MTERF2: variants seen among roughly 807,000 people sequenced by gnomAD.
MTERF2 encodes transcription termination factor 2, mitochondrial.
A neutral mutation model predicts 29.2 loss-of-function variants in MTERF2; 23 were observed. The ratio of observed to expected loss-of-function variants is 0.79; its 90% CI spans 0.57 to 1.12. The LOEUF (loss-of-function observed/expected upper bound fraction) is 1.12. MTERF2 is among the 50% of genes most tolerant of loss of function. MTERF2 has a pLI of 0.00. For missense variants in MTERF2, 440 were observed against 429.4 expected (o/e 1.02, Z -0.22); for synonymous variants, 157 against 159.5 (o/e 0.98, Z 0.12).
chr12:106,982,460 AACTG>A (rs956635410), intron 2 of MTERF2, among the ~76,000 whole-genome samples: 1 of 152,218 alleles, frequency 6.6e-6, no homozygotes, highest in Admixed American at 6.5e-5. Context: ...GAGCAAACAC[AACTG>A]ACTATGGAAG....
Position 106,978,288 on chromosome 12 carries a change from T to A in MTERF2, c.427A>T (p.Ile143Phe), listed in dbSNP as rs568454224. The A allele has an allele frequency of 1.2e-6, 2 of 1,614,112 alleles. No individual in the cohort carries two copies. The highest frequency in any genetic ancestry group is 2.7e-5 in the African/African-American group (2 of 75,040). Residue 143 changes from isoleucine to phenylalanine, a missense_variant, in exon 3 of 3, where the codon ATT becomes TTT. Ile to Phe is a conservative substitution (Grantham distance 21). Coordinates refer to ENST00000240050, the MANE Select transcript of MTERF2 (RefSeq NM_001033050.3). ...AGCTTCTGGTTCTCTTGGTCTTTAA[T>A]AGTAAAGAAAGATTCTGGAAACTGC... ...IEQFPESFFT[I>F]KDQENQKLNV...
At chr12:106,980,577 A>G (rs1363689400) in intron 2 of MTERF2, 1 of 152,164 alleles carries the variant, frequency 6.6e-6, no homozygotes, top group Admixed American at 6.5e-5. Context: ...CTTCACCACT[A>G]TTTCTTTTGT....
Position 106,978,021 on chromosome 12 carries a change from C to T in MTERF2, c.694G>A (p.Glu232Lys), listed in dbSNP as rs1201710577. The change falls in exon 3 of 3, where the codon GAA (glutamate) becomes AAA (lysine). Residue 232 changes from glutamate (E) to lysine (K), a missense_variant. By Grantham distance (56) the Glu-to-Lys change is moderately conservative. Coordinates refer to ENST00000240050, the MANE Select transcript of MTERF2 (RefSeq NM_001033050.3). Reference sequence around the variant, plus strand: ...GTGAAACCTTGCTCCTGGAGAAATTCTAGTGTTTCCTTTATAGCTGTGGGA... The same window carrying T: ...GTGAAACCTTGCTCCTGGAGAAATTTTAGTGTTTCCTTTATAGCTGTGGGA... ...NSPTAIKETL[E>K]FLQEQGFTSF... 1 of 1,614,138 alleles carries T rather than the reference C, an allele frequency of 6.2e-7. No individual in the cohort carries two copies. The highest frequency in any genetic ancestry group is 8.5e-7 in the Non-Finnish European group (1 of 1,180,004).
At position 106,977,633 on chromosome 12, in the gene MTERF2, G is replaced by A; in HGVS notation, c.1082C>T (p.Ala361Val). ...TTTGGCCTGAATTTTGCCAAAATTAGCTTCAAACTCTTTTTTTGATCCATT... is the reference window on the plus strand; with the variant it reads ...TTTGGCCTGAATTTTGCCAAAATTAACTTCAAACTCTTTTTTTGATCCATT... ...NLNGSKKEFE[A>V]NFGKIQAKKV... Residue 361 changes from alanine (A) to valine (V), a missense_variant, in exon 3 of 3, where the codon GCT becomes GTT. Ala to Val is a moderately conservative substitution (Grantham distance 64). Coordinates refer to ENST00000240050, the MANE Select transcript of MTERF2 (RefSeq NM_001033050.3). 1.9e-6 allele frequency: 3 copies of A among 1,613,798 alleles called. No individual in the cohort carries two copies. The highest frequency in any genetic ancestry group is 2.5e-6 in the Non-Finnish European group (3 of 1,179,906).
rs34238336 is a variant in MTERF2, at chr12:106,978,675, G to C, written c.40C>G (p.Leu14Val). 7,872 of 1,614,112 alleles carry C rather than the reference G, an allele frequency of 4.9e-3. 138 individuals are homozygous for C. In the African/African-American group the frequency reaches 0.052, roughly 11 times the overall value. Residue 14 changes from leucine (L) to valine (V), a missense_variant, in exon 3 of 3, where the codon CTG (leucine) becomes GTG (valine). Transcript: ENST00000240050. ...KLLLRSQSCR[L>V]CSFRKMRSPP... ...GATCGCATCTTTCTGAAAGAACACA[G>C]CCTGCAGGACTGGGATCTCAGCAGC...
chr12:106,982,133 G>A (rs533164896), intron 2 of MTERF2, among the ~76,000 whole-genome samples: 3 of 152,138 alleles, frequency 2.0e-5, no homozygotes, highest in South Asian at 2.1e-4. Flanking sequence ...TTAATGATCC[G>A]TCATTCTGTA....
At chr12:106,984,834 TGCTTTTGTAA>T (rs1348332423) in intron 2 of MTERF2, among the ~76,000 whole-genome samples, 1 of 152,198 alleles carries the variant, frequency 6.6e-6, no homozygotes, top group African/African-American at 2.4e-5. Context: ...TTAAACCTCT[TGCTTTTGTAA>T]ATTGCCCAGT....
chr12:106,977,640 ACT>A lies in MTERF2; in HGVS notation c.1073_1074del (p.Glu358ValfsTer2), dbSNP rs774235907. Reference sequence around the variant, plus strand: ...TGAATTTTGCCAAAATTAGCTTCAAACTCTTTTTTTGATCCATTTAGATTTGC... The same window carrying A: ...TGAATTTTGCCAAAATTAGCTTCAAACTTTTTTTGATCCATTTAGATTTGC... ...HLANLNGSKK[E>X]FEANFGKIQA... On this transcript the variant is annotated frameshift_variant, in exon 3 of 3. Transcript: ENST00000240050. LOFTEE classifies it high-confidence loss of function. 8 of 1,613,592 alleles carry A rather than the reference ACT, an allele frequency of 5.0e-6. No individual in the cohort carries two copies. The highest frequency in any genetic ancestry group is 2.2e-5 in the East Asian group (1 of 44,822).
At chr12:106,984,831 T>G (rs2136802605) in intron 2 of MTERF2, among the ~76,000 whole-genome samples, 1 of 152,298 alleles carries the variant, frequency 6.6e-6, no homozygotes, top group Non-Finnish European at 1.5e-5. Context: ...CCATTAAACC[T>G]CTTGCTTTTG....
At chr12:106,984,895 A>C (rs1952092945) in intron 2 of MTERF2, among the ~76,000 whole-genome samples, 1 of 152,156 alleles carries the variant, frequency 6.6e-6, no homozygotes, top group South Asian at 2.1e-4. Flanking sequence ...AAGGACTAAT[A>C]CAAGCCATGA....
chr12:106,977,521 C>T lies in MTERF2; in HGVS notation c.*36G>A. On this transcript the variant is annotated 3_prime_UTR_variant, in exon 3 of 3. Coordinates refer to ENST00000240050, the MANE Select transcript of MTERF2 (RefSeq NM_001033050.3). The stretch of plus-strand genomic sequence containing the variant: ...TTTGTCTTTGCTAGTTAGTTTCACC[C>T]TGCACTGCTAGAAAGAAGCAACAAC... 6.4e-7 allele frequency: 1 copy of T among 1,562,076 alleles called. No individual in the cohort carries two copies.
Position 106,977,379 on chromosome 12 carries a change from T to G in MTERF2, c.*178A>C, listed in dbSNP as rs913384314. 1.1e-5 allele frequency: 5 copies of G among 465,292 alleles called. No homozygotes were observed. The African/African-American group carries it at 1.5e-4, about 14-fold the overall frequency. 28.8% of individuals were successfully genotyped at this position (465,292 alleles called of 1,614,324 possible). A position where few individuals can be genotyped will look rare whatever the true frequency, so the allele number is the denominator to read the frequency against. On this transcript the variant is annotated 3_prime_UTR_variant, in exon 3 of 3. Coordinates refer to ENST00000240050, the MANE Select transcript of MTERF2 (RefSeq NM_001033050.3). ...ACCAACCTTATTAAAATAAATATGA[T>G]TTATATTTTATAATATGGCACATGA...
At chr12:106,982,185 T>C (rs1952060208) in intron 2 of MTERF2, among the ~76,000 whole-genome samples, 1 of 152,198 alleles carries the variant, frequency 6.6e-6, no homozygotes. Context: ...ATCTAGTGCT[T>C]AGCCTGGGGT....
rs1951994973 is a variant in MTERF2 at position 106,977,413 on chromosome 12, TTATC to T, written c.*140_*143del. The T allele has an allele frequency of 5.1e-6, 3 of 592,730 alleles. No individual in the cohort carries two copies. Among genetic ancestry groups the T allele is most frequent in the East Asian group, 5.9e-5 (2 of 33,932 alleles). 36.7% of individuals were successfully genotyped at this position (592,730 alleles called of 1,614,324 possible). ...TATAATATGGCACATGAGTCAGAAT[TTATC>T]TATTTAGAGATAACTTAAATACAAC... On this transcript the variant is annotated 3_prime_UTR_variant, in exon 3 of 3. Transcript: ENST00000240050.
In MTERF2 at chr12:106,978,359, C is replaced by T. The variant is rs1566231658; in HGVS notation, c.356G>A (p.Trp119Ter). Reference sequence around the variant, plus strand: ...TTCCTCATTTTTGCAGACCAACTGCCAGAGTTTTCTCTGGGTGTTAACAGC... The same window carrying T: ...TTCCTCATTTTTGCAGACCAACTGCTAGAGTTTTCTCTGGGTGTTAACAGC... ...PTAVNTQRKL[W>*]QLVCKNEEEL... Residue 119 changes from tryptophan to a stop codon, truncating the protein, a stop_gained, in exon 3 of 3, where the codon TGG (tryptophan) becomes TAG (stop). Coordinates refer to ENST00000240050, the MANE Select transcript of MTERF2 (RefSeq NM_001033050.3). LOFTEE classifies it high-confidence loss of function. 3.7e-6 allele frequency: 6 copies of T among 1,613,958 alleles called. No individual in the cohort carries two copies. The South Asian group carries it at 6.6e-5, about 18-fold the overall frequency.
Position 106,977,656 on chromosome 12 carries a change from A to G in MTERF2, c.1059T>C (p.Asn353=), listed in dbSNP as rs1180849420. 6.2e-7 allele frequency: 1 copy of G among 1,613,872 alleles called. No homozygotes were observed. Among genetic ancestry groups the G allele is most frequent in the South Asian group, 1.1e-5 (1 of 91,066 alleles). The change falls in exon 3 of 3, where the codon AAT becomes AAC. Residue 353 remains asparagine (N), a synonymous_variant. Coordinates refer to ENST00000240050, the MANE Select transcript of MTERF2 (RefSeq NM_001033050.3). ...RIKDGHLANL[N]GSKKEFEANF... ...TAGCTTCAAACTCTTTTTTTGATCC[A>G]TTTAGATTTGCTAGATGTCCATCCT...
chr12:106,981,537 G>A (rs986157297), intron 2 of MTERF2, among the ~76,000 whole-genome samples: 2 of 152,132 alleles, frequency 1.3e-5, no homozygotes, highest in South Asian at 4.1e-4. Flanking sequence ...GTATTTAAGA[G>A]ACAGGTTCTC....
At chr12:106,981,034 C>T (rs1465118029) in intron 2 of MTERF2, among the ~76,000 whole-genome samples, 4 of 152,174 alleles carry the variant, frequency 2.6e-5, no homozygotes, top group Non-Finnish European at 5.9e-5. Flanking sequence ...TCTAAGAAGG[C>T]CATCAACTTG....
chr12:106,980,729 A>C (rs1403118528), intron 2 of MTERF2: 2 of 152,180 alleles, frequency 1.3e-5, no homozygotes, highest in Non-Finnish European at 2.9e-5. Context: ...AGAAAAGAAG[A>C]AAGCAGCCAT....
Sources: allele counts gnomAD v4.1 joint callset (sites outside exome capture counted in the v4.1 genomes callset), GRCh38; gene constraint gnomAD v4.1.1; transcripts MANE v1.5; gene names NCBI Gene and HGNC (gene_info 2026-07-23, HGNC 2026-07-21).